The following WDR35 variants were observed in gnomAD, a reference collection of about 807,000 sequenced individuals.
WDR35 encodes WD repeat domain 35, also known as WD repeat-containing protein 35.
In WDR35, 118 loss-of-function variants were observed where a neutral mutation model predicts 158.3. That is an observed-to-expected ratio of 0.75 (90% confidence interval 0.64 to 0.87). The LOEUF is 0.87. WDR35 is among the 40% of genes least tolerant of loss of function. WDR35 has a pLI of 0.00. For missense variants in WDR35, 1,263 were observed against 1,405.8 expected, an observed-to-expected ratio of 0.90 and a Z score of 1.62; for synonymous variants, 448 against 476.1, an observed-to-expected ratio of 0.94 and a Z score of 0.77.
rs13005512 is a variant in WDR35 at position 19,969,371 on chromosome 2, T to A, written c.1008+109A>T. The stretch of plus-strand genomic sequence containing the variant: ...TTCTAAAATCTTCACACAAAAAGGC[T>A]TCCTTTCTGCTAGCTCCTAAAACAA... On this transcript the variant is annotated intron_variant, in intron 9 of 26. Coordinates refer to ENST00000281405, the MANE Select transcript of WDR35 (RefSeq NM_020779.4). The A allele has an allele frequency of 0.21, 250,030 of 1,205,678 alleles. 27,632 individuals carry two copies. The highest frequency in any genetic ancestry group is 0.22 in the Non-Finnish European group (193,963 of 868,878). The allele number at this position is 1,205,678 out of a possible 1,614,324, so 74.7% of individuals were successfully genotyped here. A position where few individuals can be genotyped will look rare whatever the true frequency, so the allele number is the denominator to read the frequency against.
intron 10 of WDR35, among the ~76,000 whole-genome samples, chr2:19,963,464 A>G (rs918385827): frequency 2.0e-5 from 3 of 152,140 alleles, no homozygotes; most frequent in Admixed American, 2.0e-4. Flanking sequence ...CAAGGGCTCA[A>G]ATATGTCAGG....
At position 19,913,509 on chromosome 2, in the gene WDR35, T is replaced by C; in HGVS notation, c.*49A>G. 2 of 1,590,736 alleles carry C rather than the reference T, an allele frequency of 1.3e-6. No homozygotes were observed. Among genetic ancestry groups the C allele is most frequent in the Non-Finnish European group, 8.6e-7 (1 of 1,158,768 alleles). ...TTATTACATATACAGCATATAGCCA[T>C]GTATATATGCTACATATATTTTACA... On this transcript the variant is annotated 3_prime_UTR_variant, in exon 27 of 27. Coordinates refer to ENST00000281405, the MANE Select transcript of WDR35 (RefSeq NM_020779.4).
At chr2:19,981,245 C>T (rs1237099625) in intron 3 of WDR35, among the ~76,000 whole-genome samples, 1 of 152,190 alleles carries the variant, frequency 6.6e-6, no homozygotes, top group Non-Finnish European at 1.5e-5. Flanking sequence ...TTGAGCATAT[C>T]TTAAACCTCT....
At chr2:19,916,912 A>C (rs2103381574) in intron 25 of WDR35, among the ~76,000 whole-genome samples, 1 of 151,290 alleles carries the variant, frequency 6.6e-6, no homozygotes, top group East Asian at 1.9e-4. Flanking sequence ...TGTGTCCCTG[A>C]CCCCCATGTA....
At chr2:19,917,915 A>C (rs1372305753) in intron 25 of WDR35, among the ~76,000 whole-genome samples, 1 of 152,196 alleles carries the variant, frequency 6.6e-6, no homozygotes, top group Non-Finnish European at 1.5e-5. Flanking sequence ...ACTCCTCGAG[A>C]ACAGCAACAC....
rs1672289826 is a variant in WDR35, at chr2:19,978,739, T to C, written c.436+12A>G. On this transcript the variant is annotated intron_variant, in intron 5 of 26. Transcript: ENST00000281405. ...ATATTGATCTTAGTTCTATGTCCAATCAATACATTACCATCCACTGAACCA... is the reference window on the plus strand; with the variant it reads ...ATATTGATCTTAGTTCTATGTCCAACCAATACATTACCATCCACTGAACCA... 7 of 1,613,544 alleles carry C rather than the reference T, an allele frequency of 4.3e-6. No homozygotes were observed. Among genetic ancestry groups the C allele is most frequent in the Non-Finnish European group, 5.1e-6 (6 of 1,179,772 alleles).
chr2:19,987,928 A>G (rs1447039021), intron 2 of WDR35, among the ~76,000 whole-genome samples: 4 of 152,062 alleles, frequency 2.6e-5, no homozygotes, highest in Non-Finnish European at 5.9e-5. Context: ...ATCTATATAC[A>G]CATTTAAGAA....
chr2:19,951,630 T>G, intron 12 of WDR35, 146 bp from the exon 13 acceptor site: 2 of 611,500 alleles, frequency 3.3e-6, no homozygotes, highest in Non-Finnish European at 5.5e-6. Flanking sequence ...TCAACACAGT[T>G]AAATCTTAAT....
intron 8 of WDR35, 44 bp from the exon 9 acceptor site, chr2:19,969,649 T>C (rs751442410): frequency 6.3e-7 from 1 of 1,597,934 alleles, no homozygotes; most frequent in South Asian, 1.1e-5. Context: ...AACAATTAAC[T>C]GAAATACAAA....
intron 8 of WDR35, among the ~76,000 whole-genome samples, chr2:19,971,210 C>T (rs1672025452): frequency 1.3e-5 from 2 of 152,106 alleles, no homozygotes; most frequent in African/African-American, 4.8e-5. Flanking sequence ...ACTGGTATCC[C>T]TTGTTCTAAG....
intron 11 of WDR35, among the ~76,000 whole-genome samples, chr2:19,955,108 A>G (rs1452194837): frequency 6.6e-6 from 1 of 151,920 alleles, no homozygotes; most frequent in Admixed American, 6.6e-5. Context: ...ACGCACCACC[A>G]CGCCCAGCTA....
chr2:19,950,038 A>G (rs534702591), intron 13 of WDR35, among the ~76,000 whole-genome samples: 2 of 152,328 alleles, frequency 1.3e-5, no homozygotes, highest in South Asian at 2.1e-4. Context: ...AACATTGGAA[A>G]TATACATATT....
In WDR35 at chr2:19,914,142, A is replaced by G; in HGVS notation, c.3257T>C (p.Leu1086Pro). Residue 1086 changes from leucine to proline, a missense_variant, in exon 26 of 27, where the codon CTC becomes CCC. By Grantham distance (98) the Leu-to-Pro change is moderately conservative. Coordinates refer to ENST00000281405, the MANE Select transcript of WDR35 (RefSeq NM_020779.4). ...ATACTGCTGTTTCTGTTCTGAACTGAGGGTCTCTAAAGATTTAAGTTTAAT... is the reference window on the plus strand; with the variant it reads ...ATACTGCTGTTTCTGTTCTGAACTGGGGGTCTCTAAAGATTTAAGTTTAAT... ...AFIKLKSLET[L>P]SSEQKQQYED... is the part of the protein sequence containing the mutation. The G allele has an allele frequency of 1.9e-6, 3 of 1,614,160 alleles. No individual in the cohort carries two copies. In the South Asian group the frequency reaches 3.3e-5, roughly 18 times the overall value.
intron 3 of WDR35, 44 bp from the exon 4 acceptor site, chr2:19,980,827 A>G: frequency 2.6e-6 from 4 of 1,549,930 alleles, no homozygotes; most frequent in Non-Finnish European, 3.6e-6. Flanking sequence ...GGTTACAATT[A>G]ATTTCAAATT....
chr2:19,936,440 A>G, intron 19 of WDR35, 75 bp from the exon 20 acceptor site: 1 of 1,604,170 alleles, frequency 6.2e-7, no homozygotes, highest in South Asian at 1.1e-5. Flanking sequence ...TGTGTTAGGT[A>G]CAGTTCTAGG....
Position 19,912,732 on chromosome 2 carries a change from T to C in WDR35, c.*826A>G, listed in dbSNP as rs1299143331. ...ATCCATTATGGATCACAACTGTTTA[T>C]CTTTCAAATTAATAATAAATGAAAA... is the stretch of plus-strand genomic sequence containing the variant. On this transcript the variant is annotated 3_prime_UTR_variant, in exon 27 of 27. Coordinates refer to ENST00000281405, the MANE Select transcript of WDR35 (RefSeq NM_020779.4). 1 of 152,198 alleles carries C rather than the reference T, an allele frequency of 6.6e-6. No individual in the cohort carries two copies. The highest frequency in any genetic ancestry group is 1.9e-4 in the East Asian group (1 of 5,194). 9.4% of individuals were successfully genotyped at this position (152,198 alleles called of 1,614,324 possible). A position where few individuals can be genotyped will look rare whatever the true frequency, so the allele number is the denominator to read the frequency against.
At chr2:19,918,485 A>G (rs1670057449) in intron 25 of WDR35, among the ~76,000 whole-genome samples, 1 of 152,212 alleles carries the variant, frequency 6.6e-6, no homozygotes, top group South Asian at 2.1e-4. Flanking sequence ...TGCTGTATGC[A>G]GGAGACCCAT....
At chr2:19,931,224 T>G in intron 24 of WDR35, 45 bp downstream of exon 24, 2 of 1,589,784 alleles carry the variant, frequency 1.3e-6, no homozygotes, top group African/African-American at 1.4e-5. Context: ...TTTTTTTTTC[T>G]TAAACACTTC....
chr2:19,930,474 C>T lies in WDR35; in HGVS notation c.3043G>A (p.Gly1015Arg), dbSNP rs1670490933. Residue 1015 changes from glycine (G) to arginine (R), a missense_variant, in exon 25 of 27, where the codon GGG becomes AGG. By Grantham distance (125) the Gly-to-Arg change is moderately radical. Coordinates refer to ENST00000281405, the MANE Select transcript of WDR35 (RefSeq NM_020779.4). ...ATAAAGAAGTGGTAAGCCTCTGCCC[C>T]TCTCCATGCATTATCTGTGAAACGA... ...TDRFTDNAWR[G>R]AEAYHFFILA... 2 of 1,614,130 alleles carry T rather than the reference C, an allele frequency of 1.2e-6. No homozygotes were observed. Among genetic ancestry groups the T allele is most frequent in the African/African-American group, 2.7e-5 (2 of 75,026 alleles).
Sources: allele counts gnomAD v4.1 joint callset (sites outside exome capture counted in the v4.1 genomes callset), GRCh38; gene constraint gnomAD v4.1.1; transcripts MANE v1.5; gene names NCBI Gene and HGNC (gene_info 2026-07-23, HGNC 2026-07-21).